TBCA: variants seen among roughly 807,000 people sequenced by gnomAD.
TBCA encodes tubulin-specific chaperone A.
Under a neutral mutation model 15.8 loss-of-function variants are expected in TBCA, and 6 were observed. The observed-to-expected ratio is 0.38, with a 90% CI of 0.21 to 0.75. The LOEUF is 0.75. TBCA is among the 30% of genes least tolerant of loss of function. The probability of loss-of-function intolerance (pLI) is 0.46; values close to 1 mark genes in which losing one functional copy is unlikely to be tolerated. For synonymous variants in TBCA, 32 were observed against 42.3 expected, an observed-to-expected ratio of 0.76 and a Z score of 0.94; for missense variants, 90 against 131.2, an observed-to-expected ratio of 0.69 and a Z score of 1.53.
At chr5:77,700,938 C>T (rs550546378) in intron 2 of TBCA, among the ~76,000 whole-genome samples, 1 of 152,216 alleles carries the variant, frequency 6.6e-6, no homozygotes, top group South Asian at 2.1e-4. Context: ...GGATTAAAGA[C>T]AAATCTAAGA....
In TBCA at chr5:77,691,339, C is replaced by T. The variant is rs1745744464; in HGVS notation, c.*79G>A. 1.5e-5 allele frequency: 19 copies of T among 1,227,080 alleles called. No individual in the cohort carries two copies. In the South Asian group the frequency reaches 2.6e-4, roughly 17 times the overall value. The allele number at this position is 1,227,080 out of a possible 1,614,324, so 76.0% of individuals were successfully genotyped here. A position where few individuals can be genotyped will look rare whatever the true frequency, so the allele number is the denominator to read the frequency against. On this transcript the variant is annotated 3_prime_UTR_variant, in exon 4 of 4. Coordinates refer to ENST00000380377, the MANE Select transcript of TBCA (RefSeq NM_004607.3). ...ATCACATTCTCATACTACTTGAACA[C>T]ATAGCAGTGGTCAAAAATAATGGAT... is the stretch of plus-strand genomic sequence containing the variant.
At chr5:77,770,441 T>C (rs1009376979) in intron 1 of TBCA, among the ~76,000 whole-genome samples, 1 of 152,192 alleles carries the variant, frequency 6.6e-6, no homozygotes, top group Non-Finnish European at 1.5e-5. Flanking sequence ...GTTAGCTAGT[T>C]ACAGAAGAGG....
intron 1 of TBCA, among the ~76,000 whole-genome samples, chr5:77,774,924 T>C (rs1173527496): frequency 2.6e-5 from 4 of 151,252 alleles, no homozygotes; most frequent in East Asian, 1.9e-4. Flanking sequence ...AAGCTGGGAA[T>C]TGCATCGAGC....
At chr5:77,749,503 C>A (rs1747265293) in intron 1 of TBCA, among the ~76,000 whole-genome samples, 1 of 152,124 alleles carries the variant, frequency 6.6e-6, no homozygotes, top group Non-Finnish European at 1.5e-5. Context: ...TTATGACATA[C>A]CTAACTTTGT....
intron 1 of TBCA, among the ~76,000 whole-genome samples, chr5:77,754,908 C>G (rs1340225083): frequency 6.6e-6 from 1 of 152,150 alleles, no homozygotes; most frequent in Admixed American, 6.5e-5. Context: ...GTCATGTGAA[C>G]TTGAAAAGTA....
intron 1 of TBCA, among the ~76,000 whole-genome samples, chr5:77,775,645 A>C (rs1580145209): frequency 6.6e-6 from 1 of 152,236 alleles, no homozygotes; most frequent in Non-Finnish European, 1.5e-5. Flanking sequence ...GTGAGGCCAC[A>C]TAAGTTTGCT....
At chr5:77,709,967 A>G (rs1054922048) in intron 1 of TBCA, among the ~76,000 whole-genome samples, 2 of 152,202 alleles carry the variant, frequency 1.3e-5, no homozygotes, top group African/African-American at 2.4e-5. Context: ...ATCTATAGAA[A>G]CGTAAAGTAG....
intron 1 of TBCA, among the ~76,000 whole-genome samples, chr5:77,753,299 A>G (rs979099462): frequency 2.0e-5 from 3 of 152,258 alleles, no homozygotes; most frequent in Non-Finnish European, 4.4e-5. Context: ...CAGAATGGCA[A>G]GCCCTTACTT....
At chr5:77,725,969 A>C (rs1746623707) in intron 1 of TBCA, among the ~76,000 whole-genome samples, 1 of 152,216 alleles carries the variant, frequency 6.6e-6, no homozygotes, top group African/African-American at 2.4e-5. Flanking sequence ...ATTTTAAATG[A>C]ATCTGCCACT....
chr5:77,728,667 G>T (rs1746686574), intron 1 of TBCA, among the ~76,000 whole-genome samples: 1 of 151,952 alleles, frequency 6.6e-6, no homozygotes, highest in Non-Finnish European at 1.5e-5. Flanking sequence ...TAAAAACAAA[G>T]CAAATTTTAT....
At chr5:77,748,972 A>C (rs554270691) in intron 1 of TBCA, among the ~76,000 whole-genome samples, 2 of 152,314 alleles carry the variant, frequency 1.3e-5, no homozygotes, top group Admixed American at 1.3e-4. Flanking sequence ...ATCTGCCTGA[A>C]ATGGTGGCAA....
chr5:77,700,030 C>A (rs1475721530), intron 2 of TBCA, among the ~76,000 whole-genome samples: 419 of 85,890 alleles, frequency 4.9e-3, no homozygotes, highest in East Asian at 9.1e-3. Context: ...GGCTCTGACT[C>A]AAAAAAAAAA....
intron 1 of TBCA, among the ~76,000 whole-genome samples, chr5:77,744,034 T>C (rs1385943214): frequency 6.6e-6 from 1 of 152,188 alleles, no homozygotes; most frequent in Non-Finnish European, 1.5e-5. Context: ...ATCAGCTTTA[T>C]GTCTTACTAA....
At chr5:77,703,412 G>A (rs1478279268) in intron 2 of TBCA, among the ~76,000 whole-genome samples, 3 of 152,142 alleles carry the variant, frequency 2.0e-5, no homozygotes, top group African/African-American at 7.2e-5. Context: ...TGGAGAAGAA[G>A]AGAGATATCA....
At chr5:77,748,064 C>A (rs538925114) in intron 1 of TBCA, among the ~76,000 whole-genome samples, 1 of 152,188 alleles carries the variant, frequency 6.6e-6, no homozygotes, top group South Asian at 2.1e-4. Flanking sequence ...TAGTTTCTAG[C>A]ATAAGCAATG....
intron 3 of TBCA, chr5:77,692,806 C>A: frequency 9.5e-7 from 1 of 1,057,156 alleles, no homozygotes; most frequent in Non-Finnish European, 1.1e-6. Flanking sequence ...GAGGGGACTA[C>A]ATAGATTACC....
intron 1 of TBCA, among the ~76,000 whole-genome samples, chr5:77,725,817 T>G (rs1746620720): frequency 6.6e-6 from 1 of 152,220 alleles, no homozygotes; most frequent in South Asian, 2.1e-4. Context: ...TGAGATGAGT[T>G]ATATTGCAGA....
At chr5:77,693,959 G>T (rs985685287) in intron 2 of TBCA, among the ~76,000 whole-genome samples, 3 of 152,018 alleles carry the variant, frequency 2.0e-5, no homozygotes, top group East Asian at 3.8e-4. Context: ...ATTTTAAAAG[G>T]CTATTTAAAA....
chr5:77,703,981 T>C (rs574154561), intron 2 of TBCA, among the ~76,000 whole-genome samples: 1 of 151,836 alleles, frequency 6.6e-6, no homozygotes, highest in Non-Finnish European at 1.5e-5. Flanking sequence ...CTTGTTCTCC[T>C]TCTCTCTCTC....
Sources: gnomAD v4.1 joint callset for allele counts (sites outside exome capture counted in the v4.1 genomes callset) on GRCh38, gnomAD v4.1.1 for gene constraint, MANE v1.5 for transcripts, NCBI Gene and HGNC (gene_info 2026-07-23, HGNC 2026-07-21) for gene names.